Variants in ANKRD27 observed in about 807,000 individuals in gnomAD.
ANKRD27 encodes the protein ankyrin repeat domain 27, also known as ankyrin repeat domain-containing protein 27.
A neutral mutation model predicts 129.7 loss-of-function variants in ANKRD27; 112 were observed. That is an observed-to-expected ratio of 0.86 (90% CI 0.74 to 1.01). The LOEUF is 1.01. Ranked by LOEUF, ANKRD27 falls within the 50% of genes least tolerant of loss-of-function variation. The probability of loss-of-function intolerance (pLI) is 0.00; values close to 1 mark genes in which losing one functional copy is unlikely to be tolerated. For missense variants in ANKRD27, 1,258 were observed against 1,300.5 expected, an observed-to-expected ratio of 0.97 and a Z score of 0.50; for synonymous variants, 516 against 511.2, an observed-to-expected ratio of 1.01 and a Z score of -0.13.
intron 15 of ANKRD27, 57 bp downstream of exon 15, chr19:32,628,026 C>T (rs1479575756): frequency 2.6e-6 from 4 of 1,546,656 alleles, no homozygotes; most frequent in Middle Eastern, 1.8e-4. Flanking sequence ...GCTGGGTCAC[C>T]TTGGGCACCA....
At chr19:32,666,808 G>A (rs1054561895) in intron 1 of ANKRD27, among the ~76,000 whole-genome samples, 7 of 151,798 alleles carry the variant, frequency 4.6e-5, no homozygotes, top group South Asian at 4.2e-4. Flanking sequence ...TACCACTCCC[G>A]GCTAATTTTT....
At chr19:32,607,908 G>GC in intron 22 of ANKRD27, 76 bp from the exon 23 acceptor site, 3 of 1,399,686 alleles carry the variant, frequency 2.1e-6, no homozygotes, top group South Asian at 1.2e-5. Context: ...GGCACCATGT[G>GC]CCCCCCACAG....
At chr19:32,629,437 C>T (rs984512601) in intron 13 of ANKRD27, among the ~76,000 whole-genome samples, 1 of 152,146 alleles carries the variant, frequency 6.6e-6, no homozygotes, top group African/African-American at 2.4e-5. Flanking sequence ...CGGTGGCTCA[C>T]GCCTATAATC....
chr19:32,621,375 C>T (rs890258349), intron 18 of ANKRD27, among the ~76,000 whole-genome samples: 2 of 152,102 alleles, frequency 1.3e-5, no homozygotes, highest in South Asian at 2.1e-4. Context: ...ACCTGTAATC[C>T]CAGTACTTTG....
Position 32,629,845 on chromosome 19 carries a change from T to A in ANKRD27, c.1210-996A>T, listed in dbSNP as rs1206218621. The stretch of plus-strand genomic sequence containing the variant: ...CCTCAGCCCTGTTCCTCTTGTGTTC[T>A]TTTTTTTTTTTTTTTTTTTTTTCAG... On this transcript the variant is annotated intron_variant, in intron 13 of 28. Coordinates refer to ENST00000306065, the MANE Select transcript of ANKRD27 (RefSeq NM_032139.3). 6.5e-4 allele frequency among the ~76,000 whole-genome samples: 8 copies of A among 12,390 alleles called. No homozygotes were observed. The South Asian group carries it at 0.014, about 22-fold the overall frequency. 8.1% of individuals were successfully genotyped at this position (12,390 alleles called of 152,430 possible).
chr19:32,631,570 CG>C, intron 12 of ANKRD27, 76 bp from the exon 13 acceptor site: 2 of 1,182,704 alleles, frequency 1.7e-6, no homozygotes, highest in Non-Finnish European at 2.5e-6. Flanking sequence ...GCAACAACCC[CG>C]GCTGTCTCTT....
At position 32,620,576 on chromosome 19, in the gene ANKRD27, A is replaced by G. The variant is rs1170825674; in HGVS notation, c.1828-1023T>C. 8.6e-5 allele frequency among the ~76,000 whole-genome samples: 13 copies of G among 151,122 alleles called. No homozygotes were observed. The South Asian group carries it at 1.9e-3, about 22-fold the overall frequency. On this transcript the variant is annotated intron_variant, in intron 18 of 28. Coordinates refer to ENST00000306065, the MANE Select transcript of ANKRD27 (RefSeq NM_032139.3). Reference sequence around the variant, plus strand: ...AGAGCGAGACTCCGTCTCAAAAAAAAAAACCAAAACAATAAAAAAGAAAGA... The same window carrying G: ...AGAGCGAGACTCCGTCTCAAAAAAAGAAACCAAAACAATAAAAAAGAAAGA...
chr19:32,644,298 C>G (rs752690096), intron 5 of ANKRD27, 27 bp downstream of exon 5: 7 of 1,601,462 alleles, frequency 4.4e-6, no homozygotes, highest in Non-Finnish European at 6.0e-6. Context: ...CAGGGCACGC[C>G]AGGCAGAGGA....
chr19:32,645,124 A>C (rs1193967585), intron 4 of ANKRD27, among the ~76,000 whole-genome samples: 1 of 152,168 alleles, frequency 6.6e-6, no homozygotes, highest in Non-Finnish European at 1.5e-5. Context: ...TTAAAAAAAT[A>C]ATTTATTGGC....
At chr19:32,608,170 A>ATTT (rs3042665) in intron 22 of ANKRD27, among the ~76,000 whole-genome samples, 5 of 140,226 alleles carry the variant, frequency 3.6e-5, no homozygotes, top group Admixed American at 7.2e-5. Context: ...TGCCCAGCTA[A>ATTT]TTTTTTTTTT....
intron 9 of ANKRD27, among the ~76,000 whole-genome samples, 185 bp from the exon 10 acceptor site, chr19:32,642,330 T>C (rs1057208130): frequency 2.6e-5 from 4 of 151,886 alleles, no homozygotes; most frequent in Admixed American, 6.6e-5. Flanking sequence ...TTCAATCCCA[T>C]TCAGGCTGCC....
intron 1 of ANKRD27, chr19:32,666,387 A>G (rs1342615201): frequency 1.3e-5 from 2 of 152,218 alleles, no homozygotes; most frequent in Admixed American, 1.3e-4. Flanking sequence ...TCCATGATTC[A>G]TGACTGAAAG....
At chr19:32,645,529 C>G (rs964814650) in intron 4 of ANKRD27, among the ~76,000 whole-genome samples, 1 of 152,110 alleles carries the variant, frequency 6.6e-6, no homozygotes, top group African/African-American at 2.4e-5. Context: ...GCCTTGAATT[C>G]CTAGGCTCAA....
At chr19:32,652,278 G>T (rs1292233618) in intron 2 of ANKRD27, among the ~76,000 whole-genome samples, 2 of 152,192 alleles carry the variant, frequency 1.3e-5, no homozygotes, top group African/African-American at 2.4e-5. Context: ...CCTTTAGAAA[G>T]AATTTTTTAA....
In ANKRD27 at chr19:32,643,175, T is replaced by C. The variant is rs761231948; in HGVS notation, c.730A>G (p.Arg244Gly). The C allele has an allele frequency of 1.9e-6, 3 of 1,613,980 alleles. No homozygotes were observed. Among genetic ancestry groups the C allele is most frequent in the Non-Finnish European group, 2.5e-6 (3 of 1,180,042 alleles). The change falls in exon 9 of 29, where the codon AGA (arginine) becomes GGA (glycine). Residue 244 changes from arginine to glycine, a missense_variant. Physicochemically the swap from Arg to Gly is moderately radical, Grantham distance 125. Transcript: ENST00000306065. ...SEDAAFNKIT[R>G]SLQDLQQKDI... ...TTCTGCTGAAGATCTTGAAGGCTTC[T>C]TGTGATTTTGTTAAAGGCCGCATCC...
At chr19:32,617,035 T>C (rs966828414) in intron 21 of ANKRD27, among the ~76,000 whole-genome samples, 2 of 152,192 alleles carry the variant, frequency 1.3e-5, no homozygotes, top group African/African-American at 4.8e-5. Context: ...TCCTGGAGTA[T>C]GGACATCTGA....
intron 13 of ANKRD27, among the ~76,000 whole-genome samples, chr19:32,631,122 G>A (rs528745269): frequency 6.6e-6 from 1 of 152,084 alleles, no homozygotes; most frequent in South Asian, 2.1e-4. Context: ...GGGTTCGAAC[G>A]ATTCTCCTGC....
At chr19:32,616,289 AC>A (rs1476624047) in intron 21 of ANKRD27, among the ~76,000 whole-genome samples, 6 of 152,142 alleles carry the variant, frequency 3.9e-5, no homozygotes, top group Non-Finnish European at 8.8e-5. Context: ...ATGGTGGCTC[AC>A]GCCTGTAATC....
intron 26 of ANKRD27, among the ~76,000 whole-genome samples, chr19:32,601,548 C>A (rs1041664183): frequency 7.2e-6 from 1 of 139,024 alleles, no homozygotes; most frequent in East Asian, 2.2e-4. Context: ...GGAGGCAGAG[C>A]TGGCAGTGAG....
Sources: allele counts gnomAD v4.1 joint callset (sites outside exome capture counted in the v4.1 genomes callset), GRCh38; gene constraint gnomAD v4.1.1; transcripts MANE v1.5; gene names NCBI Gene and HGNC (gene_info 2026-07-23, HGNC 2026-07-21).